RNF150: variants seen among roughly 807,000 people sequenced by gnomAD.
RNF150 encodes the protein ring finger protein 150.
A neutral mutation model predicts 39.3 loss-of-function variants in RNF150; 24 were observed. The observed-to-expected ratio is 0.61, with a 90% CI of 0.44 to 0.86. The LOEUF is 0.86. RNF150 is among the 40% of genes least tolerant of loss of function. The pLI is 0.00. For synonymous variants in RNF150, 255 were observed against 227.3 expected (o/e 1.12, Z -1.10); for missense variants, 502 against 587.8 (o/e 0.85, Z 1.51).
At position 141,115,660 on chromosome 4, in the gene RNF150, C is replaced by T. The variant is rs573397835; in HGVS notation, c.484+16665G>A. Among the ~76,000 whole-genome samples the T allele has an allele frequency of 4.6e-5, 7 of 152,188 alleles. No individual in the cohort carries two copies. In the South Asian group the frequency reaches 1.5e-3, roughly 32 times the overall value. ...AAACTACTTTAAATTTCATATGGAA[C>T]CAAAAAAGAGCCTGTATAGCCAAGA... On this transcript the variant is annotated intron_variant, in intron 1 of 6. Transcript: ENST00000515673.
intron 1 of RNF150, among the ~76,000 whole-genome samples, chr4:141,017,108 C>T (rs1163304561): frequency 2.0e-5 from 3 of 152,110 alleles, no homozygotes; most frequent in African/African-American, 7.2e-5. Context: ...AGAAAGTCAA[C>T]TCTATTATGA....
chr4:140,922,173 C>A (rs1283144988), intron 5 of RNF150, among the ~76,000 whole-genome samples: 1 of 151,574 alleles, frequency 6.6e-6, no homozygotes, highest in African/African-American at 2.4e-5. Context: ...AAGAGGAAGT[C>A]AAATTGTCCC....
intron 1 of RNF150, among the ~76,000 whole-genome samples, chr4:141,100,184 C>T (rs955052877): frequency 5.9e-5 from 9 of 152,136 alleles, no homozygotes; most frequent in Non-Finnish European, 1.3e-4. Context: ...TACCCAAATG[C>T]TATTTGCCTA....
At chr4:141,052,264 T>C (rs1736804528) in intron 1 of RNF150, among the ~76,000 whole-genome samples, 1 of 152,212 alleles carries the variant, frequency 6.6e-6, no homozygotes, top group African/African-American at 2.4e-5. Flanking sequence ...ATTCTTGAAC[T>C]ATTTGGAATT....
intron 6 of RNF150, among the ~76,000 whole-genome samples, chr4:140,888,323 A>C (rs1335939804): frequency 6.6e-6 from 1 of 152,156 alleles, no homozygotes; most frequent in African/African-American, 2.4e-5. Flanking sequence ...CCCAACAATA[A>C]ATTACTGAAA....
chr4:141,205,537 A>AT (rs1728361221), intron 1 of RNF150, among the ~76,000 whole-genome samples: 1 of 152,146 alleles, frequency 6.6e-6, no homozygotes, highest in African/African-American at 2.4e-5. Context: ...TCTAATGAAT[A>AT]TTTTTGTTCC....
chr4:141,201,795 C>G (rs13435711), intron 1 of RNF150, among the ~76,000 whole-genome samples: 36,058 of 151,882 alleles, frequency 0.24, 4,365 homozygotes, highest in South Asian at 0.32. Flanking sequence ...TGGCTACCAA[C>G]AAACAGCTTG....
At chr4:140,923,812 T>A (rs1483974255) in intron 5 of RNF150, among the ~76,000 whole-genome samples, 1 of 152,184 alleles carries the variant, frequency 6.6e-6, no homozygotes, top group African/African-American at 2.4e-5. Flanking sequence ...TGAGCTCATG[T>A]CCTTTGTAGG....
chr4:141,146,322 A>G (rs1347857818), intron 1 of RNF150, among the ~76,000 whole-genome samples: 1 of 152,216 alleles, frequency 6.6e-6, no homozygotes, highest in Non-Finnish European at 1.5e-5. Context: ...ACCTTCTTCA[A>G]CGTTTTTTAT....
chr4:141,082,401 T>C (rs544372534), intron 1 of RNF150, among the ~76,000 whole-genome samples: 2 of 152,294 alleles, frequency 1.3e-5, no homozygotes, highest in African/African-American at 2.4e-5. Flanking sequence ...TCAATAGTTA[T>C]ATGCACCATT....
At chr4:141,139,239 T>G (rs1454394473) in intron 1 of RNF150, among the ~76,000 whole-genome samples, 1 of 152,174 alleles carries the variant, frequency 6.6e-6, no homozygotes, top group African/African-American at 2.4e-5. Context: ...AGTAGGGTAT[T>G]CATTTATGTT....
chr4:140,964,708 A>C (rs1733166533), intron 2 of RNF150, among the ~76,000 whole-genome samples: 1 of 152,102 alleles, frequency 6.6e-6, no homozygotes, highest in South Asian at 2.1e-4. Flanking sequence ...TTATCCTATA[A>C]GTTTAAAAAC....
chr4:141,124,874 T>G (rs1349690574), intron 1 of RNF150, among the ~76,000 whole-genome samples: 1 of 152,230 alleles, frequency 6.6e-6, no homozygotes, highest in African/African-American at 2.4e-5. Context: ...GAATTATTTC[T>G]AAAATATTTT....
chr4:141,113,581 C>T (rs1739459865), intron 1 of RNF150, among the ~76,000 whole-genome samples: 1 of 152,128 alleles, frequency 6.6e-6, no homozygotes, highest in African/African-American at 2.4e-5. Flanking sequence ...GAGACTTCAA[C>T]ATGCCACTGT....
chr4:141,034,285 T>C (rs570863252), intron 1 of RNF150, among the ~76,000 whole-genome samples: 3 of 152,340 alleles, frequency 2.0e-5, no homozygotes, highest in Admixed American at 1.3e-4. Flanking sequence ...TTCAAACTTT[T>C]CTTTTGCAGC....
intron 1 of RNF150, among the ~76,000 whole-genome samples, chr4:141,036,612 A>C (rs1435024382): frequency 6.6e-6 from 1 of 152,212 alleles, no homozygotes; most frequent in Non-Finnish European, 1.5e-5. Flanking sequence ...CATTTTGGGA[A>C]GTAACCTAAG....
intron 1 of RNF150, among the ~76,000 whole-genome samples, chr4:141,000,016 AG>A (rs1203456118): frequency 0.12 from 4,553 of 39,468 alleles, 912 homozygotes; most frequent in Non-Finnish European, 0.17. Context: ...AAGAAGAAGA[AG>A]AAGAAGAAGA....
At chr4:140,996,699 T>G (rs1734390314) in intron 1 of RNF150, among the ~76,000 whole-genome samples, 1 of 152,224 alleles carries the variant, frequency 6.6e-6, no homozygotes, top group South Asian at 2.1e-4. Flanking sequence ...TAGCTTATGA[T>G]CTAGTTAGGG....
chr4:140,894,815 T>C (rs552229800), intron 6 of RNF150, among the ~76,000 whole-genome samples: 1 of 152,212 alleles, frequency 6.6e-6, no homozygotes, highest in African/African-American at 2.4e-5. Context: ...CCTGAGACTA[T>C]GTCGGCAGTT....
Sources: allele counts gnomAD v4.1 joint callset (sites outside exome capture counted in the v4.1 genomes callset), GRCh38; gene constraint gnomAD v4.1.1; transcripts MANE v1.5; gene names NCBI Gene and HGNC (gene_info 2026-07-23, HGNC 2026-07-21).